Variants in DOCK4 observed in about 807,000 individuals in gnomAD.
DOCK4 encodes dedicator of cytokinesis protein 4.
DOCK4 carries 97 observed loss-of-function variants against 268.1 expected under a neutral mutation model. The observed-to-expected ratio is 0.36, with a 90% CI of 0.31 to 0.43. DOCK4 has a LOEUF of 0.43. Among genes scored for constraint, DOCK4 ranks in the 20% least tolerant of loss-of-function variants. DOCK4 has a pLI of 1.00. For synonymous variants in DOCK4, 954 were observed against 887.2 expected, an observed-to-expected ratio of 1.08 and a Z score of -1.34; for missense variants, 2,145 against 2,455.7, an observed-to-expected ratio of 0.87 and a Z score of 2.67.
intron 1 of DOCK4, among the ~76,000 whole-genome samples, chr7:112,053,957 C>T (rs1037562957): frequency 2.0e-5 from 3 of 152,110 alleles, no homozygotes; most frequent in Admixed American, 6.6e-5. Flanking sequence ...CTCGAACTCC[C>T]ACTGTGTAAA....
intron 12 of DOCK4, among the ~76,000 whole-genome samples, chr7:111,917,661 G>A (rs765424050): frequency 6.6e-6 from 1 of 150,764 alleles, no homozygotes; most frequent in African/African-American, 2.4e-5. Context: ...AGCCGAGATC[G>A]CACAGCTGCA....
chr7:111,780,447 T>C (rs1232413644), intron 35 of DOCK4, among the ~76,000 whole-genome samples: 1 of 152,198 alleles, frequency 6.6e-6, no homozygotes, highest in East Asian at 1.9e-4. Flanking sequence ...GGTTTTTATA[T>C]GACTAAAGGA....
At chr7:111,769,839 C>T (rs773899385) in intron 36 of DOCK4, among the ~76,000 whole-genome samples, 162 bp from the exon 37 acceptor site, 16 of 152,084 alleles carry the variant, frequency 1.1e-4, no homozygotes, top group African/African-American at 3.1e-4. Flanking sequence ...GGGTAATGAA[C>T]GAGGACTTCC....
In DOCK4 at chr7:111,809,328, G is replaced by T; in HGVS notation, c.3080C>A (p.Pro1027His). 6.4e-7 allele frequency: 1 copy of T among 1,563,576 alleles called. No homozygotes were observed. ...QLCLQLEMFTPSKKKKVLEKY... is the reference protein window; with the variant it reads ...QLCLQLEMFTHSKKKKVLEKY... ...TTCTAACACCTTTTTCTTCTTGGAA[G>T]GTGTGAACATCTCCAACTGCAGACA... Residue 1027 changes from proline (P) to histidine (H), a missense_variant, in exon 29 of 53, where the codon CCT (proline) becomes CAT (histidine). Coordinates refer to ENST00000428084, the MANE Select transcript of DOCK4 (RefSeq NM_001363540.2).
intron 26 of DOCK4, among the ~76,000 whole-genome samples, chr7:111,826,440 C>A (rs866006307): frequency 8.5e-5 from 13 of 152,106 alleles, no homozygotes; most frequent in Admixed American, 3.3e-4. Context: ...TTAACTGTAC[C>A]ATATAAAAAT....
At chr7:111,738,164 C>G (rs1795634285) in intron 49 of DOCK4, among the ~76,000 whole-genome samples, 1 of 152,222 alleles carries the variant, frequency 6.6e-6, no homozygotes, top group South Asian at 2.1e-4. Flanking sequence ...CCCTTCAAGG[C>G]TCCTGAAGTG....
intron 1 of DOCK4, among the ~76,000 whole-genome samples, chr7:112,167,477 C>G (rs1817703306): frequency 1.3e-5 from 2 of 152,128 alleles, no homozygotes; most frequent in African/African-American, 4.8e-5. Context: ...CATGAAAATA[C>G]TCACTTGATT....
At chr7:111,774,608 G>A (rs535491749) in intron 36 of DOCK4, among the ~76,000 whole-genome samples, 1 of 152,278 alleles carries the variant, frequency 6.6e-6, no homozygotes, top group Non-Finnish European at 1.5e-5. Flanking sequence ...GGAGGGGGAT[G>A]GCTGCATGGA....
intron 7 of DOCK4, among the ~76,000 whole-genome samples, chr7:111,979,216 T>A (rs1433385250): frequency 1.3e-5 from 2 of 152,220 alleles, no homozygotes; most frequent in East Asian, 3.8e-4. Flanking sequence ...AAAACTTTTA[T>A]TCCGAACTAC....
intron 35 of DOCK4, 102 bp from the exon 36 acceptor site, chr7:111,778,471 G>A (rs146904746): frequency 3.8e-4 from 229 of 607,888 alleles, no homozygotes; most frequent in Middle Eastern, 2.2e-3. Flanking sequence ...CCAAGAGAAC[G>A]GATTCATTTT....
chr7:112,022,178 C>T (rs1425404336), intron 1 of DOCK4, among the ~76,000 whole-genome samples: 5 of 152,086 alleles, frequency 3.3e-5, no homozygotes, highest in Non-Finnish European at 4.4e-5. Flanking sequence ...GTGTTTAGCG[C>T]GGTATAATCA....
chr7:111,926,445 A>G (rs952385492), intron 12 of DOCK4, among the ~76,000 whole-genome samples: 1 of 148,046 alleles, frequency 6.8e-6, no homozygotes, highest in Non-Finnish European at 1.5e-5. Flanking sequence ...AGACAGAGAG[A>G]GAGAGAGAGA....
intron 36 of DOCK4, 85 bp from the exon 37 acceptor site, chr7:111,769,762 GA>G (rs1056883810): frequency 3.5e-5 from 50 of 1,443,996 alleles, no homozygotes; most frequent in African/African-American, 1.3e-4. Flanking sequence ...ACAAACTGGG[GA>G]AAAAAAATAC....
intron 27 of DOCK4, among the ~76,000 whole-genome samples, chr7:111,814,243 TA>T (rs1801372135): frequency 6.6e-6 from 1 of 152,142 alleles, no homozygotes; most frequent in African/African-American, 2.4e-5. Context: ...ACACACAAAA[TA>T]TATTTGTGGC....
chr7:112,147,428 C>G (rs913989875), intron 1 of DOCK4, among the ~76,000 whole-genome samples: 13 of 152,170 alleles, frequency 8.5e-5, no homozygotes, highest in Non-Finnish European at 1.9e-4. Context: ...ACCTTTAGCT[C>G]TGTCCTGGAT....
intron 16 of DOCK4, among the ~76,000 whole-genome samples, chr7:111,891,531 T>C (rs1347841164): frequency 2.0e-5 from 3 of 152,224 alleles, no homozygotes; most frequent in Non-Finnish European, 2.9e-5. Context: ...TTTCCATATT[T>C]TAAGCAATCT....
chr7:111,824,653 T>C (rs545217453), intron 26 of DOCK4, among the ~76,000 whole-genome samples: 97 of 152,230 alleles, frequency 6.4e-4, no homozygotes, highest in Non-Finnish European at 1.2e-3. Flanking sequence ...AGATTGGCTA[T>C]AGGAGGCAAA....
At chr7:112,166,853 A>T (rs1817653962) in intron 1 of DOCK4, among the ~76,000 whole-genome samples, 1 of 151,696 alleles carries the variant, frequency 6.6e-6, no homozygotes, top group African/African-American at 2.4e-5. Context: ...TTTTTAAGAG[A>T]CAGAGTCTCG....
chr7:111,824,846 A>T (rs1182951298), intron 26 of DOCK4, among the ~76,000 whole-genome samples: 22 of 152,190 alleles, frequency 1.4e-4, no homozygotes, highest in Non-Finnish European at 1.5e-5. Flanking sequence ...AATGCCTGTG[A>T]ACTGACATAA....
Sources: gnomAD v4.1 joint callset for allele counts (sites outside exome capture counted in the v4.1 genomes callset) on GRCh38, gnomAD v4.1.1 for gene constraint, MANE v1.5 for transcripts, NCBI Gene and HGNC (gene_info 2026-07-23, HGNC 2026-07-21) for gene names.